The following ATG7 variants were observed in gnomAD, a reference collection of about 807,000 sequenced individuals.
ATG7 encodes the protein autophagy related 7, also known as ubiquitin-like modifier-activating enzyme ATG7.
ATG7 carries 70 observed loss-of-function variants against 82.4 expected under a neutral mutation model. The observed-to-expected ratio is 0.85, with a 90% CI of 0.70 to 1.04. ATG7 has a LOEUF of 1.04. ATG7 is among the 50% of genes least tolerant of loss of function. The pLI is 0.00. For missense variants in ATG7, 792 were observed against 864.3 expected, an observed-to-expected ratio of 0.92 and a Z score of 1.05; for synonymous variants, 287 against 313.0, an observed-to-expected ratio of 0.92 and a Z score of 0.88.
In ATG7 at chr3:11,555,031, C is replaced by G; in HGVS notation, c.*188C>G. 2 of 668,692 alleles carry G rather than the reference C, an allele frequency of 3.0e-6. No homozygotes were observed. The highest frequency in any genetic ancestry group is 5.8e-5 in the East Asian group (2 of 34,678). 41.4% of individuals were successfully genotyped at this position (668,692 alleles called of 1,614,324 possible). A position where few individuals can be genotyped will look rare whatever the true frequency, so the allele number is the denominator to read the frequency against. Reference sequence around the variant, plus strand: ...GCGTTGCTCGGGATTCAAGATACCACCAGTTCAGAGCTAAATAATAACCTT... The same window carrying G: ...GCGTTGCTCGGGATTCAAGATACCAGCAGTTCAGAGCTAAATAATAACCTT... On this transcript the variant is annotated 3_prime_UTR_variant, in exon 21 of 21. Transcript: ENST00000693202.
intron 14 of ATG7, among the ~76,000 whole-genome samples, chr3:11,356,154 G>A (rs550374365): frequency 6.6e-6 from 1 of 152,244 alleles, no homozygotes; most frequent in South Asian, 2.1e-4. Context: ...GGGCAAGTGG[G>A]GACCGACTGA....
chr3:11,390,087 C>T (rs569304747), intron 19 of ATG7, among the ~76,000 whole-genome samples: 1 of 152,322 alleles, frequency 6.6e-6, no homozygotes, highest in South Asian at 2.1e-4. Flanking sequence ...GTGTTGAAAC[C>T]TCCTACGTAT....
the ATG7 span, among the ~76,000 whole-genome samples, chr3:11,562,682 T>C: frequency 1.3e-5 from 2 of 152,190 alleles, no homozygotes; most frequent in East Asian, 3.9e-4. Context: ...GCCCCACGAA[T>C]GGTTACGACA....
At chr3:11,273,037 AC>A (rs1940846475) in intron 1 of ATG7, among the ~76,000 whole-genome samples, 2 of 152,226 alleles carry the variant, frequency 1.3e-5, no homozygotes, top group Admixed American at 1.3e-4. Flanking sequence ...TACAGTACTA[AC>A]GTACATGATG....
chr3:11,459,328 C>T (rs2086079144), intron 20 of ATG7, among the ~76,000 whole-genome samples: 1 of 152,092 alleles, frequency 6.6e-6, no homozygotes, highest in Admixed American at 6.5e-5. Flanking sequence ...AATGTATCAT[C>T]TCAGACATAT....
At chr3:11,312,641 C>T (rs996840081) in intron 7 of ATG7, among the ~76,000 whole-genome samples, 2 of 152,204 alleles carry the variant, frequency 1.3e-5, no homozygotes, top group African/African-American at 4.8e-5. Context: ...TATGTTTTGC[C>T]TTGTACATAG....
intron 19 of ATG7, among the ~76,000 whole-genome samples, chr3:11,419,373 G>A (rs1013374598): frequency 6.6e-6 from 1 of 152,066 alleles, no homozygotes. Context: ...GGGCAACATG[G>A]CAAAACCCCA....
rs190663608 is a variant in ATG7 at position 11,423,370 on chromosome 3, G to T, written c.1957-3434G>T. On this transcript the variant is annotated intron_variant, in intron 19 of 20. Coordinates refer to ENST00000693202, the MANE Select transcript of ATG7 (RefSeq NM_001349232.2). ...TAATAATGAAAAAGTTTGAAATATT[G>T]TGAGAATTACCAAAATGTGACAGAG... 6.3e-3 allele frequency among the ~76,000 whole-genome samples: 959 copies of T among 152,312 alleles called. 9 individuals carry two copies. Among genetic ancestry groups the T allele is most frequent in the Non-Finnish European group, 8.9e-3 (607 of 68,028 alleles).
intron 13 of ATG7, among the ~76,000 whole-genome samples, 190 bp from the exon 14 acceptor site, chr3:11,347,687 T>C (rs1282651944): frequency 1.3e-5 from 2 of 152,248 alleles, no homozygotes; most frequent in Admixed American, 1.3e-4. Context: ...AGTATATAAT[T>C]ATGTTGTTTT....
chr3:11,486,796 C>T (rs2089705152), intron 20 of ATG7, among the ~76,000 whole-genome samples: 1 of 148,756 alleles, frequency 6.7e-6, no homozygotes, highest in Non-Finnish European at 1.5e-5. Context: ...TTGAGATAAT[C>T]ATGTGGTTTT....
intron 19 of ATG7, among the ~76,000 whole-genome samples, chr3:11,425,560 G>A (rs1405214309): frequency 6.6e-6 from 1 of 152,142 alleles, no homozygotes; most frequent in Non-Finnish European, 1.5e-5. Flanking sequence ...ACGTTTCACA[G>A]TCCCTGTGAT....
At position 11,317,473 on chromosome 3, in the gene ATG7, AGC is replaced by A. The variant is rs1949582290; in HGVS notation, c.678+1982_678+1983del. 3.9e-5 allele frequency among the ~76,000 whole-genome samples: 6 copies of A among 152,038 alleles called. No homozygotes were observed. The South Asian group carries it at 1.2e-3, about 32-fold the overall frequency. ...CTTTTTATGATAAGTCTGTGAAACA[AGC>A]GTTAGTTACTACCTGTGGTTAGTTA... On this transcript the variant is annotated intron_variant, in intron 9 of 20. Transcript: ENST00000693202.
rs541792259 is a variant in ATG7, at chr3:11,286,532, T to G, written c.-11+4094T>G. The stretch of plus-strand genomic sequence containing the variant: ...CGGGAGGATATCTATAGAAAGTTCC[T>G]TGTTTTTGTTTTGTGTTTTTTTTTT... On this transcript the variant is annotated intron_variant, in intron 3 of 20. Transcript: ENST00000693202. Among the ~76,000 whole-genome samples, 347 of 151,178 alleles carry G rather than the reference T, an allele frequency of 2.3e-3. 4 individuals carry two copies. Among genetic ancestry groups the G allele is most frequent in the African/African-American group, 8.0e-3 (332 of 41,246 alleles).
At chr3:11,334,919 A>T (rs1455410182) in intron 11 of ATG7, among the ~76,000 whole-genome samples, 1 of 141,318 alleles carries the variant, frequency 7.1e-6, no homozygotes, top group Non-Finnish European at 1.5e-5. Flanking sequence ...GCACTGCTGC[A>T]CTCCAGCCTG....
chr3:11,567,551 A>G, the ATG7 span, among the ~76,000 whole-genome samples: 1 of 152,200 alleles, frequency 6.6e-6, no homozygotes, highest in South Asian at 2.1e-4. Context: ...AAACGTTAAA[A>G]TACTAAAAAC....
intron 20 of ATG7, among the ~76,000 whole-genome samples, chr3:11,433,191 G>C (rs1031093424): frequency 6.6e-6 from 1 of 150,864 alleles, no homozygotes; most frequent in Admixed American, 6.6e-5. Context: ...GCTGAGGCAG[G>C]AGGATCACTT....
the ATG7 span, among the ~76,000 whole-genome samples, chr3:11,568,224 G>A: frequency 2.0e-5 from 3 of 152,204 alleles, no homozygotes; most frequent in Non-Finnish European, 2.9e-5. This position sits in a 1 kb window ranked among gnomAD's most constrained non-coding sequence, Gnocchi z 5.9. Context: ...GGTACATAAG[G>A]CACTGCCCAC....
the ATG7 span, among the ~76,000 whole-genome samples, chr3:11,570,573 T>TA: frequency 6.6e-6 from 1 of 152,112 alleles, no homozygotes; most frequent in Admixed American, 6.5e-5. Context: ...GTCCATAGAG[T>TA]AAATAAATCA....
rs548204467 is a variant in ATG7 at position 11,439,559 on chromosome 3, G to C, written c.2079+12633G>C. Among the ~76,000 whole-genome samples, 281 of 152,334 alleles carry C rather than the reference G, an allele frequency of 1.8e-3. 2 individuals carry two copies. The highest frequency in any genetic ancestry group is 6.2e-3 in the African/African-American group (258 of 41,586). ...TGGTGTGGGAGTCAAAGAGGTACAA[G>C]CCAGGCTTTTAGGAGGCAGACGCAG... On this transcript the variant is annotated intron_variant, in intron 20 of 20. Transcript: ENST00000693202.
Sources: gnomAD v4.1 joint callset for allele counts (sites outside exome capture counted in the v4.1 genomes callset) on GRCh38, gnomAD v4.1.1 for gene constraint, Gnocchi (gnomAD v3.1) non-coding constraint, MANE v1.5 for transcripts, NCBI Gene and HGNC (gene_info 2026-07-23, HGNC 2026-07-21) for gene names.